The following MCF2 variants were observed in gnomAD, a reference collection of about 807,000 sequenced individuals.
MCF2 encodes MCF.2 cell line derived transforming sequence, also known as proto-oncogene DBL.
In MCF2, 44 loss-of-function variants were observed where a neutral mutation model predicts 82.5. That is an observed-to-expected ratio of 0.53 (90% CI 0.42 to 0.69). The LOEUF (loss-of-function observed/expected upper bound fraction) is 0.69. MCF2 is among the 30% of genes least tolerant of loss of function. The pLI, the probability that MCF2 is intolerant of heterozygous loss-of-function variation, is 0.00. For synonymous variants in MCF2, 217 were observed against 224.9 expected, an observed-to-expected ratio of 0.96 and a Z score of 0.32; for missense variants, 623 against 663.1, an observed-to-expected ratio of 0.94 and a Z score of 0.66.
exon 17 of MCF2, chrX:139,598,422 T>A: frequency 8.6e-7 from 1 of 1,158,071 alleles, no homozygotes; most frequent in Non-Finnish European, 1.2e-6. Flanking sequence ...CAATAACTGA[T>A]ATTTAGTGAT....
intron 1 of MCF2, among the ~76,000 whole-genome samples, chrX:139,672,518 G>T (rs1934731271): frequency 8.9e-6 from 1 of 112,053 alleles, no homozygotes. Context: ...AGAGTTTTTA[G>T]CATGAAGCAC....
intron 22 of MCF2, among the ~76,000 whole-genome samples, chrX:139,587,206 G>T (rs773914588): frequency 1.8e-5 from 2 of 110,869 alleles, no homozygotes; most frequent in South Asian, 3.9e-4. Flanking sequence ...GGAATTTCTA[G>T]AGGCTTCCTT....
Position 139,626,722 on chromosome X carries a change from A to C in MCF2, c.473T>G (p.Ile158Ser), listed in dbSNP as rs759829962. ...AGGCACTTCCAGATTTGTTAGCAGA[A>C]TTTTTCCTTCTTTGGTTACAGCTGT... is the stretch of plus-strand genomic sequence containing the variant. Residue 158 changes from isoleucine to serine, a missense_variant, in exon 5 of 25, where the codon ATT becomes AGT. Coordinates refer to ENST00000370576, the Ensembl canonical transcript of MCF2. 1.7e-6 allele frequency: 2 copies of C among 1,207,976 alleles called. No homozygotes were observed. The highest frequency in any genetic ancestry group is 2.2e-6 in the Non-Finnish European group (2 of 893,622).
At chrX:139,619,547 A>T (rs373184545) in intron 7 of MCF2, 40 bp downstream of exon 10, 1 of 1,035,893 alleles carries the variant, frequency 9.7e-7, no homozygotes, top group Non-Finnish European at 1.3e-6. Context: ...CATGACTATT[A>T]TACTGTATAA....
chrX:139,631,428 C>A (rs1248776099), exon 3 of MCF2: 1 of 1,204,490 alleles, frequency 8.3e-7, no homozygotes, highest in Non-Finnish European at 1.1e-6. Flanking sequence ...TGTGGCAGTA[C>A]TGCAAGGTGC....
chrX:139,614,636 C>T (rs1341775804), intron 10 of MCF2, among the ~76,000 whole-genome samples: 1 of 110,545 alleles, frequency 9.0e-6, no homozygotes, highest in East Asian at 2.9e-4. Flanking sequence ...TACTCATTTT[C>T]AAGGCTGGAG....
chrX:139,687,498 A>G (rs1935155300), intron 1 of MCF2, among the ~76,000 whole-genome samples: 1 of 112,652 alleles, frequency 8.9e-6, no homozygotes, highest in Non-Finnish European at 1.9e-5. Flanking sequence ...AGAGTAGGTA[A>G]GGTGCAAGTT....
intron 1 of MCF2, among the ~76,000 whole-genome samples, chrX:139,696,844 G>C (rs996296115): frequency 9.0e-6 from 1 of 111,530 alleles, no homozygotes; most frequent in African/African-American, 3.3e-5. Flanking sequence ...ACATGTGAGG[G>C]GGTTACCAAA....
chrX:139,642,662 G>A (rs1933638611), exon 1 of MCF2: 1 of 1,142,239 alleles, frequency 8.8e-7, no homozygotes, highest in African/African-American at 1.8e-5. Flanking sequence ...CATTAGCACA[G>A]TGGCAGCAAT....
chrX:139,592,395 T>A (rs1013917715), intron 19 of MCF2, among the ~76,000 whole-genome samples: 2 of 111,834 alleles, frequency 1.8e-5, no homozygotes, highest in African/African-American at 6.5e-5. Context: ...TACTTTAATG[T>A]ACTCAAGAAA....
chrX:139,640,056 C>T (rs868716172), intron 1 of MCF2, among the ~76,000 whole-genome samples: 38 of 111,256 alleles, frequency 3.4e-4, no homozygotes, highest in African/African-American at 1.2e-3. Flanking sequence ...TACGGCCTAT[C>T]TGGATCCTAA....
chrX:139,681,973 T>A (rs1935009770), intron 1 of MCF2, among the ~76,000 whole-genome samples: 1 of 111,812 alleles, frequency 8.9e-6, no homozygotes, highest in Non-Finnish European at 1.9e-5. Flanking sequence ...ATATACATAA[T>A]TTAATTATAA....
At chrX:139,606,601 C>T (rs938570052) in intron 12 of MCF2, among the ~76,000 whole-genome samples, 1 of 111,576 alleles carries the variant, frequency 9.0e-6, no homozygotes. Context: ...TCAAGTGATC[C>T]GCCCGCCTGG....
chrX:139,669,396 T>A (rs181897336), intron 1 of MCF2, among the ~76,000 whole-genome samples: 2 of 112,232 alleles, frequency 1.8e-5, no homozygotes, highest in African/African-American at 6.5e-5. Context: ...TGTTGATTAG[T>A]ACGTGGACAA....
chrX:139,677,155 G>T (rs1934887231), intron 1 of MCF2, among the ~76,000 whole-genome samples: 1 of 111,356 alleles, frequency 9.0e-6, no homozygotes. Context: ...CCTCAAGTAA[G>T]GATGCATACA....
intron 1 of MCF2, among the ~76,000 whole-genome samples, chrX:139,652,744 C>T (rs972798531): frequency 6.3e-5 from 7 of 111,031 alleles, no homozygotes; most frequent in Admixed American, 2.9e-4. Context: ...ATGTTTTTCA[C>T]CTGCTCTCTG....
chrX:139,702,213 A>G (rs1252285782), intron 1 of MCF2: 1 of 112,339 alleles, frequency 8.9e-6, no homozygotes, highest in African/African-American at 3.2e-5. Context: ...ATTTATTTGT[A>G]TATTTACTAG....
chrX:139,590,916 A>G (rs1234498547), intron 19 of MCF2, among the ~76,000 whole-genome samples: 1 of 110,703 alleles, frequency 9.0e-6, no homozygotes, highest in East Asian at 2.9e-4. Context: ...TGTAACATCC[A>G]CCCTGAACGT....
upstream of MCF2, among the ~76,000 whole-genome samples, chrX:139,643,715 C>T (rs1933689917): frequency 9.0e-6 from 1 of 110,585 alleles, no homozygotes; most frequent in Admixed American, 9.7e-5. Flanking sequence ...GAGTATCACT[C>T]CCCGGTAGAC....
Sources: allele counts gnomAD v4.1 joint callset (sites outside exome capture counted in the v4.1 genomes callset), GRCh38; gene constraint gnomAD v4.1.1; transcripts MANE v1.5; gene names NCBI Gene and HGNC (gene_info 2026-07-23, HGNC 2026-07-21).